The following LZTS1 variants were observed in gnomAD, a reference collection of about 807,000 sequenced individuals.
The protein encoded by LZTS1 is leucine zipper tumor suppressor 1.
Under a neutral mutation model 45.8 loss-of-function variants are expected in LZTS1, and 31 were observed. That is an observed-to-expected ratio of 0.68 (90% CI 0.51 to 0.91). The LOEUF is 0.91. Ranked by LOEUF, LZTS1 falls within the 40% of genes least tolerant of loss-of-function variation. The pLI is 0.00. For synonymous variants in LZTS1, 359 were observed against 357.3 expected (o/e 1.00, Z -0.05); for missense variants, 821 against 788.9 (o/e 1.04, Z -0.49).
Position 20,253,477 on chromosome 8 carries a change from C to T in LZTS1, c.454G>A (p.Ala152Thr), listed in dbSNP as rs753663977. Residue 152 changes from alanine to threonine, a missense_variant, in exon 3 of 4, where the codon GCC (alanine) becomes ACC (threonine). Physicochemically the swap from Ala to Thr is moderately conservative, Grantham distance 58. Coordinates refer to ENST00000381569, the MANE Select transcript of LZTS1 (RefSeq NM_021020.5). ...PESASHQLHP[A>T]PPDKPKEQEL... ...TGCTCCTTGGGCTTGTCTGGAGGGG[C>T]GGGGTGCAGCTGGTGGCTGGCACTC... 9 of 1,602,152 alleles carry T rather than the reference C, an allele frequency of 5.6e-6. No individual in the cohort carries two copies. The highest frequency in any genetic ancestry group is 4.5e-5 in the South Asian group (4 of 89,736).
intron 1 of LZTS1, among the ~76,000 whole-genome samples, chr8:20,262,265 G>C (rs1800249709): frequency 1.3e-5 from 2 of 152,200 alleles, no homozygotes; most frequent in Non-Finnish European, 2.9e-5. Context: ...GGAACATTTA[G>C]TCATTTCTTC....
chr8:20,252,992 G>A lies in LZTS1; in HGVS notation c.939C>T (p.Gly313=), dbSNP rs372926159. The change falls in exon 3 of 4, where the codon GGC becomes GGT. Residue 313 remains glycine (G), a synonymous_variant. Coordinates refer to ENST00000381569, the MANE Select transcript of LZTS1 (RefSeq NM_021020.5). ...GCGAGGCCTGCTTGAGCTTGTTGCCGCCTTTGGGCTCCGGGCCCTCCAGCT... is the reference window on the plus strand; with the variant it reads ...GCGAGGCCTGCTTGAGCTTGTTGCCACCTTTGGGCTCCGGGCCCTCCAGCT... ...RDELEGPEPK[G]GNKLKQASQK... The A allele has an allele frequency of 5.5e-5, 88 of 1,588,112 alleles. No individual in the cohort carries two copies. In the Middle Eastern group the frequency reaches 6.7e-4, roughly 12 times the overall value.
intron 1 of LZTS1, among the ~76,000 whole-genome samples, chr8:20,277,932 C>T (rs1213646276): frequency 2.0e-5 from 3 of 152,178 alleles, no homozygotes; most frequent in Admixed American, 2.0e-4. Flanking sequence ...CTCCCATCTA[C>T]TATGAGCACC....
intron 1 of LZTS1, among the ~76,000 whole-genome samples, chr8:20,264,989 G>C (rs1302005170): frequency 6.6e-6 from 1 of 152,164 alleles, no homozygotes; most frequent in African/African-American, 2.4e-5. Context: ...ACAAATGGGA[G>C]TTCAGCCTGT....
At chr8:20,294,311 T>C (rs1043335131) in intron 1 of LZTS1, among the ~76,000 whole-genome samples, 2 of 152,344 alleles carry the variant, frequency 1.3e-5, no homozygotes, top group Admixed American at 1.3e-4. Flanking sequence ...GTTTGATAGA[T>C]GAAGAAATCC....
At chr8:20,289,348 C>G (rs969809490) in intron 1 of LZTS1, 1 of 152,362 alleles carries the variant, frequency 6.6e-6, no homozygotes, top group African/African-American at 2.4e-5. Flanking sequence ...GCTGAGCCTT[C>G]CCTGATCCTT....
chr8:20,293,045 C>A (rs1179566680), intron 1 of LZTS1, among the ~76,000 whole-genome samples: 1 of 152,156 alleles, frequency 6.6e-6, no homozygotes, highest in Non-Finnish European at 1.5e-5. Flanking sequence ...AAGCCTCGGT[C>A]ACCCCAGATA....
At chr8:20,264,824 T>C (rs545153217) in intron 1 of LZTS1, among the ~76,000 whole-genome samples, 1 of 152,322 alleles carries the variant, frequency 6.6e-6, no homozygotes, top group Admixed American at 6.5e-5. Context: ...CAACCCTTTA[T>C]TCTGTCTATT....
rs990193757 is a variant in LZTS1 at position 20,281,683 on chromosome 8, CTT to C, written c.-135+22055_-135+22056del. ...AGAGGCTGGCATCTCCTCTCTCTCT[CTT>C]GTTCCCTCTATTACCATGTGATATG... On this transcript the variant is annotated intron_variant, in intron 1 of 3. Transcript: ENST00000381569. 1.9e-3 allele frequency among the ~76,000 whole-genome samples: 288 copies of C among 152,282 alleles called. 3 individuals are homozygous for C. Among genetic ancestry groups the C allele is most frequent in the African/African-American group, 6.7e-3 (278 of 41,548 alleles).
At chr8:20,267,267 G>T (rs368168080) in intron 1 of LZTS1, among the ~76,000 whole-genome samples, 1 of 152,062 alleles carries the variant, frequency 6.6e-6, no homozygotes, top group African/African-American at 2.4e-5. Flanking sequence ...TGTCCCCAGG[G>T]TGCTGAGAGC....
At chr8:20,265,663 A>C (rs1250643853) in intron 1 of LZTS1, among the ~76,000 whole-genome samples, 6 of 118,676 alleles carry the variant, frequency 5.1e-5, no homozygotes, top group Non-Finnish European at 8.3e-5. Context: ...TGGGCAACAG[A>C]GAGACTCTGT....
intron 1 of LZTS1, among the ~76,000 whole-genome samples, chr8:20,268,885 C>A (rs1800418733): frequency 1.3e-5 from 2 of 152,076 alleles, no homozygotes; most frequent in Admixed American, 6.6e-5. Flanking sequence ...TCCATCGGGT[C>A]GAACAATCGG....
intron 1 of LZTS1, among the ~76,000 whole-genome samples, chr8:20,263,405 C>G (rs1563870579): frequency 6.6e-6 from 1 of 151,982 alleles, no homozygotes; most frequent in Non-Finnish European, 1.5e-5. Flanking sequence ...AAAAACGCAC[C>G]CTCCTCCAAC....
At chr8:20,264,726 G>A (rs573436249) in intron 1 of LZTS1, among the ~76,000 whole-genome samples, 3 of 152,306 alleles carry the variant, frequency 2.0e-5, no homozygotes, top group Non-Finnish European at 2.9e-5. Flanking sequence ...GCAGGACCTC[G>A]GCCGTCCTCT....
intron 2 of LZTS1, among the ~76,000 whole-genome samples, chr8:20,254,239 G>A (rs958143544): frequency 6.6e-6 from 1 of 152,224 alleles, no homozygotes; most frequent in Non-Finnish European, 1.5e-5. Flanking sequence ...CTCGTGGGAC[G>A]CACGAGGGCT....
intron 1 of LZTS1, among the ~76,000 whole-genome samples, chr8:20,291,790 CAGGT>C (rs998200700): frequency 5.9e-5 from 9 of 152,352 alleles, no homozygotes; most frequent in Admixed American, 1.3e-4. Flanking sequence ...ACACAGCTAA[CAGGT>C]AGCAGAGCTA....
intron 1 of LZTS1, among the ~76,000 whole-genome samples, chr8:20,272,963 C>T (rs749540784): frequency 6.6e-6 from 1 of 152,170 alleles, no homozygotes; most frequent in Non-Finnish European, 1.5e-5. Flanking sequence ...TTTTTTCTCC[C>T]GTTCACAGCC....
At chr8:20,272,941 G>C (rs933792277) in intron 1 of LZTS1, among the ~76,000 whole-genome samples, 1 of 152,130 alleles carries the variant, frequency 6.6e-6, no homozygotes, top group African/African-American at 2.4e-5. Flanking sequence ...TTCTTCTCCA[G>C]GGACCACTGT....
chr8:20,301,433 G>A (rs1364266227), intron 1 of LZTS1, among the ~76,000 whole-genome samples: 1 of 152,108 alleles, frequency 6.6e-6, no homozygotes, highest in African/African-American at 2.4e-5. Flanking sequence ...CTGGCATTAA[G>A]TGTTACGGTA....
Sources: gnomAD v4.1 joint callset for allele counts (sites outside exome capture counted in the v4.1 genomes callset) on GRCh38, gnomAD v4.1.1 for gene constraint, MANE v1.5 for transcripts, NCBI Gene and HGNC (gene_info 2026-07-23, HGNC 2026-07-21) for gene names.